SHTN1: variants seen among roughly 807,000 people sequenced by gnomAD.
SHTN1 encodes the protein shootin 1, also known as shootin-1.
SHTN1 carries 42 observed loss-of-function variants against 83.1 expected under a neutral mutation model. The ratio of observed to expected loss-of-function variants is 0.51; its 90% CI spans 0.39 to 0.65. SHTN1 has a LOEUF of 0.65. SHTN1 is among the 30% of genes least tolerant of loss of function. The pLI is 0.00. For missense variants in SHTN1, 622 were observed against 737.8 expected (o/e 0.84, Z 1.82); for synonymous variants, 224 against 247.7 (o/e 0.90, Z 0.90).
chr10:116,921,055 C>T (rs988410830), intron 12 of SHTN1, among the ~76,000 whole-genome samples: 41 of 152,246 alleles, frequency 2.7e-4, no homozygotes, highest in Admixed American at 2.2e-3. Flanking sequence ...CGTGTACCTC[C>T]AGCACACAAC....
intron 1 of SHTN1, among the ~76,000 whole-genome samples, chr10:117,051,582 T>G (rs1042186165): frequency 3.3e-5 from 5 of 151,978 alleles, no homozygotes; most frequent in Non-Finnish European, 7.4e-5. Flanking sequence ...AGCAGATTCA[T>G]CCCAGGAATG....
chr10:116,908,510 A>T (rs544833957), intron 14 of SHTN1, among the ~76,000 whole-genome samples: 1 of 152,306 alleles, frequency 6.6e-6, no homozygotes, highest in African/African-American at 2.4e-5. Flanking sequence ...TATCATTTGT[A>T]TTTATAATTT....
intron 9 of SHTN1, among the ~76,000 whole-genome samples, chr10:116,938,895 C>T (rs890892944): frequency 1.3e-5 from 2 of 152,224 alleles, no homozygotes; most frequent in Non-Finnish European, 2.9e-5. Context: ...GGCAGTCTAG[C>T]TACAGCAGCT....
chr10:117,112,890 G>A (rs549553510), intron 1 of SHTN1, among the ~76,000 whole-genome samples: 19 of 152,244 alleles, frequency 1.2e-4, no homozygotes, highest in Admixed American at 8.5e-4. Flanking sequence ...AGTTTTGATC[G>A]TTGACAATTC....
At chr10:117,007,425 T>C (rs1852036835), upstream of SHTN1, among the ~76,000 whole-genome samples, 1 of 151,762 alleles carries the variant, frequency 6.6e-6, no homozygotes, top group Non-Finnish European at 1.5e-5. Flanking sequence ...TAATCAAACT[T>C]TTGGTTCCAT....
At chr10:117,053,676 A>G (rs1268824336) in intron 1 of SHTN1, among the ~76,000 whole-genome samples, 1 of 152,240 alleles carries the variant, frequency 6.6e-6, no homozygotes, top group Non-Finnish European at 1.5e-5. Flanking sequence ...AATGGTGCAC[A>G]TACTGTGGAA....
At chr10:117,019,579 T>G (rs1251553881) in intron 2 of SHTN1, among the ~76,000 whole-genome samples, 1 of 152,036 alleles carries the variant, frequency 6.6e-6, no homozygotes, top group East Asian at 1.9e-4. Context: ...TGGTGGCTCC[T>G]GCTTGTAATC....
intron 16 of SHTN1, among the ~76,000 whole-genome samples, chr10:116,897,502 C>CA (rs916152100): frequency 1.6e-4 from 25 of 152,226 alleles, no homozygotes; most frequent in African/African-American, 6.0e-4. Context: ...AAACAAAACA[C>CA]AGAGAGGTTA....
intron 2 of SHTN1, among the ~76,000 whole-genome samples, chr10:116,969,164 C>T (rs758034828): frequency 6.6e-6 from 1 of 152,178 alleles, no homozygotes; most frequent in East Asian, 1.9e-4. Flanking sequence ...TGGTGGCTCA[C>T]GCCTGTAATC....
chr10:116,954,914 A>G (rs893596564), intron 4 of SHTN1, among the ~76,000 whole-genome samples: 5 of 152,108 alleles, frequency 3.3e-5, no homozygotes, highest in African/African-American at 1.2e-4. Flanking sequence ...GAGAAAAGCA[A>G]CAGAGAAAGG....
chr10:116,953,623 GTTTTT>G lies in SHTN1; in HGVS notation c.436+414_436+418del, dbSNP rs759706275. On this transcript the variant is annotated intron_variant, in intron 5 of 16. Coordinates refer to ENST00000355371, the MANE Select transcript of SHTN1 (RefSeq NM_001127211.3). ...GACCCAGGCATCAGTTTTGTGTTTTGTTTTTTTTTTTTTTTTTTTTTTGAGACAGA... is the reference window on the plus strand; with the variant it reads ...GACCCAGGCATCAGTTTTGTGTTTTGTTTTTTTTTTTTTTTTTGAGACAGA... 1.1e-4 allele frequency among the ~76,000 whole-genome samples: 10 copies of G among 92,724 alleles called. No individual in the cohort carries two copies. In the South Asian group the frequency reaches 2.1e-3, roughly 20 times the overall value. 60.8% of individuals were successfully genotyped at this position (92,724 alleles called of 152,430 possible).
At chr10:117,045,630 G>T (rs780157889) in intron 2 of SHTN1, among the ~76,000 whole-genome samples, 5 of 152,154 alleles carry the variant, frequency 3.3e-5, no homozygotes, top group Non-Finnish European at 7.3e-5. Context: ...AGTAAACACA[G>T]CCTAACTTCT....
In SHTN1 at chr10:116,921,522, G is replaced by A. The variant is rs769314132; in HGVS notation, c.1113-6C>T. 1 of 1,607,896 alleles carries A rather than the reference G, an allele frequency of 6.2e-7. No individual in the cohort carries two copies. The highest frequency in any genetic ancestry group is 8.5e-7 in the Non-Finnish European group (1 of 1,177,044). ...GGATCATGGACATGAGGGATCTTTGGGAGAAAGAAAAAGATCAACAGGAGA... is the reference window on the plus strand; with the variant it reads ...GGATCATGGACATGAGGGATCTTTGAGAGAAAGAAAAAGATCAACAGGAGA... On this transcript the variant is annotated splice_region_variant and splice_polypyrimidine_tract_variant and intron_variant, in intron 11 of 16. Coordinates refer to ENST00000355371, the MANE Select transcript of SHTN1 (RefSeq NM_001127211.3).
intron 16 of SHTN1, chr10:116,901,382 G>C: frequency 1.0e-6 from 1 of 985,268 alleles, no homozygotes; most frequent in African/African-American, 1.7e-5. Flanking sequence ...GCCCTTCTAA[G>C]TAGTCTCTGA....
At chr10:116,959,608 T>A (rs1460719590) in intron 4 of SHTN1, among the ~76,000 whole-genome samples, 1 of 152,200 alleles carries the variant, frequency 6.6e-6, no homozygotes, top group Non-Finnish European at 1.5e-5. Context: ...TGAGATAGAA[T>A]GTAGAAAATT....
intron 1 of SHTN1, among the ~76,000 whole-genome samples, chr10:117,078,489 G>C (rs1853197608): frequency 6.6e-6 from 1 of 152,190 alleles, no homozygotes; most frequent in Non-Finnish European, 1.5e-5. Context: ...CATCATTATA[G>C]CACTTGGGAC....
chr10:117,098,537 T>C (rs1322903784), intron 1 of SHTN1, among the ~76,000 whole-genome samples: 1 of 152,160 alleles, frequency 6.6e-6, no homozygotes, highest in African/African-American at 2.4e-5. Context: ...AGCCCTGATT[T>C]GCTCATCAAC....
At chr10:116,893,597 C>CACACACACACACACACACACACA (rs3981216) in intron 16 of SHTN1, among the ~76,000 whole-genome samples, 10 of 151,458 alleles carry the variant, frequency 6.6e-5, no homozygotes, top group South Asian at 2.1e-4. Context: ...CACACACACA[C>CACACACACACACACACACACACA]GAGAAAGAAA....
rs1309471471 is a variant in SHTN1 at position 116,951,953 on chromosome 10, C to T, written c.490G>A (p.Glu164Lys). ...AGTTTGCTCTTGAGATTTTCCAGCTCAATGGCTAAAATCTTCTTTTCCTCC... is the reference window on the plus strand; with the variant it reads ...AGTTTGCTCTTGAGATTTTCCAGCTTAATGGCTAAAATCTTCTTTTCCTCC... ...VQEEKKILAI[E>K]LENLKSKLVE... is the part of the protein sequence containing the mutation. Residue 164 changes from glutamate (E) to lysine (K), a missense_variant, in exon 6 of 17, where the codon GAG becomes AAG. By Grantham distance (56) the Glu-to-Lys change is moderately conservative. Transcript: ENST00000355371. 1 of 1,599,554 alleles carries T rather than the reference C, an allele frequency of 6.3e-7. No homozygotes were observed. The highest frequency in any genetic ancestry group is 8.5e-7 in the Non-Finnish European group (1 of 1,171,510).
Sources: allele counts gnomAD v4.1 joint callset (sites outside exome capture counted in the v4.1 genomes callset), GRCh38; gene constraint gnomAD v4.1.1; transcripts MANE v1.5; gene names NCBI Gene and HGNC (gene_info 2026-07-23, HGNC 2026-07-21).